ADAMTS19: variants seen among roughly 807,000 people sequenced by gnomAD.
ADAMTS19 encodes ADAM metallopeptidase with thrombospondin type 1 motif 19.
A neutral mutation model predicts 153.3 loss-of-function variants in ADAMTS19; 93 were observed. The ratio of observed to expected loss-of-function variants is 0.61; its 90% CI spans 0.51 to 0.72. The LOEUF is 0.72. Among genes scored for constraint, ADAMTS19 ranks in the 30% least tolerant of loss-of-function variants. The probability of loss-of-function intolerance (pLI) is 0.00; values close to 1 mark genes in which losing one functional copy is unlikely to be tolerated. For synonymous variants in ADAMTS19, 600 were observed against 556.6 expected, an observed-to-expected ratio of 1.08 and a Z score of -1.10; for missense variants, 1,482 against 1,552.1, an observed-to-expected ratio of 0.95 and a Z score of 0.76.
intron 20 of ADAMTS19, among the ~76,000 whole-genome samples, chr5:129,703,607 T>C (rs1756010025): frequency 6.6e-6 from 1 of 152,084 alleles, no homozygotes; most frequent in African/African-American, 2.4e-5. Context: ...TGGTATATGC[T>C]TATAATCCCA....
intron 8 of ADAMTS19, among the ~76,000 whole-genome samples, chr5:129,612,704 T>G (rs531111125): frequency 1.2e-3 from 186 of 152,282 alleles, no homozygotes; most frequent in African/African-American, 4.4e-3. Flanking sequence ...ACCTTTAATG[T>G]AAATGGGCTA....
At chr5:129,649,432 G>C (rs911715100) in intron 13 of ADAMTS19, among the ~76,000 whole-genome samples, 1 of 152,222 alleles carries the variant, frequency 6.6e-6, no homozygotes, top group African/African-American at 2.4e-5. Context: ...AGAGCATTAT[G>C]CTGAGTGAAA....
At chr5:129,611,127 A>C (rs1362725266) in intron 8 of ADAMTS19, among the ~76,000 whole-genome samples, 2 of 152,036 alleles carry the variant, frequency 1.3e-5, no homozygotes, top group African/African-American at 2.4e-5. Flanking sequence ...CCACTGGTTG[A>C]TGGGGTCGTT....
At chr5:129,586,154 A>G (rs1441365497) in intron 7 of ADAMTS19, among the ~76,000 whole-genome samples, 4 of 152,318 alleles carry the variant, frequency 2.6e-5, no homozygotes, top group Admixed American at 1.3e-4. Context: ...TATTTTTACA[A>G]TTGGTGACCT....
At chr5:129,650,750 G>A (rs996608166) in intron 13 of ADAMTS19, among the ~76,000 whole-genome samples, 1 of 151,870 alleles carries the variant, frequency 6.6e-6, no homozygotes, top group Non-Finnish European at 1.5e-5. Flanking sequence ...ACATATTTAA[G>A]ACTCTCCCAC....
chr5:129,498,428 A>G (rs1446022873), intron 2 of ADAMTS19, among the ~76,000 whole-genome samples: 2 of 152,064 alleles, frequency 1.3e-5, no homozygotes, highest in African/African-American at 4.8e-5. Context: ...ATTTTGAAAA[A>G]TGAAAGCTTT....
chr5:129,644,623 A>G lies in ADAMTS19; in HGVS notation c.1872+2663A>G, dbSNP rs1752974094. ...GTTTTCTTCTCTTTTTATAATTTTT[A>G]TATAATTTTCATATTTTTCAATTTA... is the stretch of plus-strand genomic sequence containing the variant. On this transcript the variant is annotated intron_variant, in intron 11 of 22. Coordinates refer to ENST00000274487, the MANE Select transcript of ADAMTS19 (RefSeq NM_133638.6). 2.6e-5 allele frequency among the ~76,000 whole-genome samples: 4 copies of G among 152,084 alleles called. No homozygotes were observed. In the South Asian group the frequency reaches 8.3e-4, roughly 32 times the overall value.
chr5:129,567,685 T>C (rs1753763390), intron 7 of ADAMTS19, among the ~76,000 whole-genome samples: 1 of 151,130 alleles, frequency 6.6e-6, no homozygotes, highest in Non-Finnish European at 1.5e-5. Flanking sequence ...GGGAAAACAA[T>C]ACCAACAGAG....
chr5:129,619,514 G>A (rs921470504), intron 8 of ADAMTS19, among the ~76,000 whole-genome samples: 2 of 152,080 alleles, frequency 1.3e-5, no homozygotes, highest in South Asian at 2.1e-4. Flanking sequence ...TAATGATGTC[G>A]AAGAATATGA....
intron 7 of ADAMTS19, among the ~76,000 whole-genome samples, chr5:129,571,276 C>CAT (rs1753895715): frequency 6.6e-6 from 1 of 151,654 alleles, no homozygotes; most frequent in Admixed American, 6.6e-5. Flanking sequence ...ATTGGATACT[C>CAT]AGAAACCAAA....
At chr5:129,614,372 T>A (rs575010786) in intron 8 of ADAMTS19, among the ~76,000 whole-genome samples, 4 of 152,164 alleles carry the variant, frequency 2.6e-5, no homozygotes, top group African/African-American at 9.7e-5. Context: ...GATGCAAGGC[T>A]GGTTCAACAT....
At chr5:129,499,579 A>G (rs1339595805) in intron 2 of ADAMTS19, among the ~76,000 whole-genome samples, 1 of 152,158 alleles carries the variant, frequency 6.6e-6, no homozygotes, top group Non-Finnish European at 1.5e-5. Context: ...GAGCAGCCAT[A>G]TATTTTTCAT....
At chr5:129,714,425 CA>C (rs397949658) in intron 21 of ADAMTS19, among the ~76,000 whole-genome samples, 22 of 98,208 alleles carry the variant, frequency 2.2e-4, no homozygotes, top group Admixed American at 5.9e-4. Flanking sequence ...GACTCCGTCT[CA>C]AAAAAAAAAA....
chr5:129,478,545 T>C (rs1750301473), intron 2 of ADAMTS19, among the ~76,000 whole-genome samples: 1 of 152,116 alleles, frequency 6.6e-6, no homozygotes, highest in Admixed American at 6.6e-5. Context: ...CCCCTACCTT[T>C]TTTTGTTTGT....
chr5:129,482,939 TAAC>T (rs987242807), intron 2 of ADAMTS19, among the ~76,000 whole-genome samples: 18 of 152,298 alleles, frequency 1.2e-4, no homozygotes, highest in African/African-American at 4.1e-4. Flanking sequence ...GGGTCATAAA[TAAC>T]AAAATCTTTT....
intron 8 of ADAMTS19, among the ~76,000 whole-genome samples, chr5:129,608,110 G>GTATATATATATATATATATA (rs1368112273): frequency 5.5e-5 from 2 of 36,242 alleles, no homozygotes; most frequent in African/African-American, 1.2e-4. Context: ...GTGTGTGTGT[G>GTATATATATATATATATATA]TGTGTGTATA....
rs562500123 is a variant in ADAMTS19, at chr5:129,644,974, T to C, written c.1873-2791T>C. 1.4e-4 allele frequency among the ~76,000 whole-genome samples: 22 copies of C among 152,284 alleles called. No individual in the cohort carries two copies. The East Asian group carries it at 4.0e-3, about 28-fold the overall frequency. ...AGCTTTTTCCCTGCCTTCCTCCTCT[T>C]CTCTCTTCCACAATATATGTACAAG... is the stretch of plus-strand genomic sequence containing the variant. On this transcript the variant is annotated intron_variant, in intron 11 of 22. Transcript: ENST00000274487.
intron 7 of ADAMTS19, among the ~76,000 whole-genome samples, chr5:129,593,169 C>T (rs914458469): frequency 3.7e-4 from 57 of 152,192 alleles, no homozygotes; most frequent in Middle Eastern, 3.4e-3. Context: ...TCCTCCTGTT[C>T]CCCACTGGTG....
chr5:129,506,298 T>C (rs147292562), intron 2 of ADAMTS19, among the ~76,000 whole-genome samples: 1 of 152,236 alleles, frequency 6.6e-6, no homozygotes, highest in Non-Finnish European at 1.5e-5. Context: ...TGGTGCTAAA[T>C]ATGCCAGAGT....
Sources: gnomAD v4.1 joint callset for allele counts (sites outside exome capture counted in the v4.1 genomes callset) on GRCh38, gnomAD v4.1.1 for gene constraint, MANE v1.5 for transcripts, NCBI Gene and HGNC (gene_info 2026-07-23, HGNC 2026-07-21) for gene names.